VTA1: variants seen among roughly 807,000 people sequenced by gnomAD.
The protein encoded by VTA1 is vacuolar protein sorting-associated protein VTA1 homolog.
Under a neutral mutation model 36.9 loss-of-function variants are expected in VTA1, and 24 were observed. That is an observed-to-expected ratio of 0.65 (90% CI 0.47 to 0.91). The LOEUF is 0.91. VTA1 is among the 40% of genes least tolerant of loss of function. VTA1 has a pLI of 0.00. For synonymous variants in VTA1, 142 were observed against 130.2 expected (o/e 1.09, Z -0.62); for missense variants, 393 against 377.2 (o/e 1.04, Z -0.35).
chr6:142,202,088 G>A (rs1437033182), intron 6 of VTA1, among the ~76,000 whole-genome samples: 4 of 151,856 alleles, frequency 2.6e-5, no homozygotes, highest in Non-Finnish European at 5.9e-5. Context: ...ATAAGCCTAG[G>A]TACACCTGTT....
chr6:142,176,819 C>T, intron 4 of VTA1, among the ~76,000 whole-genome samples: 1 of 152,052 alleles, frequency 6.6e-6, no homozygotes, highest in South Asian at 2.1e-4. Context: ...GTTTCTGGGA[C>T]CACATTTTGA....
chr6:142,172,967 CAA>C (rs1351540478), intron 4 of VTA1, among the ~76,000 whole-genome samples: 7 of 96,878 alleles, frequency 7.2e-5, no homozygotes, highest in South Asian at 3.4e-4. Context: ...AACCATTTGA[CAA>C]AAAAAAAAAA....
chr6:142,188,182 T>C (rs1775381837), intron 4 of VTA1, among the ~76,000 whole-genome samples: 1 of 150,788 alleles, frequency 6.6e-6, no homozygotes, highest in Non-Finnish European at 1.5e-5. Flanking sequence ...GTGCTAGGAT[T>C]ACAGGCATGA....
At chr6:142,216,237 C>G (rs961423876) in intron 7 of VTA1, among the ~76,000 whole-genome samples, 1 of 151,844 alleles carries the variant, frequency 6.6e-6, no homozygotes, top group African/African-American at 2.4e-5. Context: ...AATGTGTTTA[C>G]CCTTATATAT....
At chr6:142,210,664 C>T (rs1480870974) in intron 7 of VTA1, among the ~76,000 whole-genome samples, 5 of 152,148 alleles carry the variant, frequency 3.3e-5, no homozygotes, top group Admixed American at 1.3e-4. Context: ...CACTAATCAT[C>T]AGAGAAATAC....
intron 4 of VTA1, among the ~76,000 whole-genome samples, chr6:142,185,360 G>C (rs775352893): frequency 6.6e-6 from 1 of 152,010 alleles, no homozygotes; most frequent in Non-Finnish European, 1.5e-5. Context: ...CTTTTACAGA[G>C]CCTAAAAGTA....
rs1775410999 is a variant in VTA1 at position 142,189,521 on chromosome 6, TGAA to T, written c.513_515del (p.Glu171del). On this transcript the variant is annotated inframe_deletion, in exon 5 of 8. Transcript: ENST00000367630. ...CTCCTCAAGCAGGCCCTGTTGGAAT[TGAA>T]GAAGATAATGGTATGTATTTATTTA... 1 of 1,603,516 alleles carries T rather than the reference TGAA, an allele frequency of 6.2e-7. No individual in the cohort carries two copies. Among genetic ancestry groups the T allele is most frequent in the Non-Finnish European group, 8.5e-7 (1 of 1,173,714 alleles).
intron 5 of VTA1, among the ~76,000 whole-genome samples, chr6:142,195,527 A>G: frequency 6.8e-6 from 1 of 148,132 alleles, no homozygotes; most frequent in East Asian, 2.0e-4. Flanking sequence ...AGTACTTAGT[A>G]CAGTTTTTTT....
At chr6:142,148,800 G>A (rs1778510073) in intron 1 of VTA1, among the ~76,000 whole-genome samples, 1 of 152,168 alleles carries the variant, frequency 6.6e-6, no homozygotes, top group African/African-American at 2.4e-5. Context: ...AAATAAAAGA[G>A]TGAAAGGCAT....
At chr6:142,177,220 A>G (rs1285800372) in intron 4 of VTA1, among the ~76,000 whole-genome samples, 1 of 152,208 alleles carries the variant, frequency 6.6e-6, no homozygotes, top group African/African-American at 2.4e-5. Context: ...TGCCAAGAAC[A>G]ATGTCTTACA....
chr6:142,198,800 T>C (rs757313763), intron 6 of VTA1, 185 bp downstream of exon 6: 1 of 513,816 alleles, frequency 1.9e-6, no homozygotes, highest in Non-Finnish European at 3.3e-6. Flanking sequence ...GTATTCTAAT[T>C]ATTTGAGAAA....
chr6:142,176,908 C>A (rs1489718678), intron 4 of VTA1, among the ~76,000 whole-genome samples: 1 of 151,992 alleles, frequency 6.6e-6, no homozygotes, highest in East Asian at 1.9e-4. Context: ...TTTACTGAGG[C>A]AATAAGGCAC....
intron 7 of VTA1, among the ~76,000 whole-genome samples, chr6:142,216,563 C>G (rs963152429): frequency 1.3e-5 from 2 of 151,916 alleles, no homozygotes; most frequent in African/African-American, 4.8e-5. Flanking sequence ...TTATGCATGT[C>G]TGTAAGCTTT....
chr6:142,191,535 T>C (rs1439577866), intron 5 of VTA1, among the ~76,000 whole-genome samples: 9 of 152,130 alleles, frequency 5.9e-5, no homozygotes, highest in Admixed American at 5.9e-4. Context: ...AGTTTTTGTT[T>C]TCCAAAAGTC....
chr6:142,165,791 A>G (rs1174957507), intron 1 of VTA1, among the ~76,000 whole-genome samples: 5 of 152,188 alleles, frequency 3.3e-5, no homozygotes, highest in Non-Finnish European at 4.4e-5. Context: ...TAAAATTACT[A>G]TAGCAATTCT....
intron 7 of VTA1, among the ~76,000 whole-genome samples, chr6:142,210,229 A>G (rs369288000): frequency 6.6e-6 from 1 of 152,234 alleles, no homozygotes; most frequent in East Asian, 1.9e-4. Flanking sequence ...AAAGAATGAA[A>G]GTAAACCCCC....
At chr6:142,147,496 G>A in intron 1 of VTA1, 97 bp downstream of exon 1, 1 of 1,281,708 alleles carries the variant, frequency 7.8e-7, no homozygotes, top group East Asian at 2.5e-5. Flanking sequence ...CGCCCCCCTC[G>A]CTTTAAACCT....
At chr6:142,199,367 G>A (rs1460063038) in intron 6 of VTA1, among the ~76,000 whole-genome samples, 1 of 152,028 alleles carries the variant, frequency 6.6e-6, no homozygotes, top group Non-Finnish European at 1.5e-5. Flanking sequence ...GACACTTGCA[G>A]CTATAATTTA....
intron 4 of VTA1, among the ~76,000 whole-genome samples, chr6:142,176,434 T>C (rs1775126528): frequency 6.6e-6 from 1 of 152,170 alleles, no homozygotes; most frequent in Non-Finnish European, 1.5e-5. Context: ...AGGTATGCAT[T>C]GGCAGTACCT....
Sources: gnomAD v4.1 joint callset for allele counts (sites outside exome capture counted in the v4.1 genomes callset) on GRCh38, gnomAD v4.1.1 for gene constraint, MANE v1.5 for transcripts, NCBI Gene and HGNC (gene_info 2026-07-23, HGNC 2026-07-21) for gene names.